The following SCN10A variants were observed in gnomAD, a reference collection of about 807,000 sequenced individuals.
SCN10A encodes sodium channel protein type 10 subunit alpha.
Under a neutral mutation model 170.7 loss-of-function variants are expected in SCN10A, and 162 were observed. The observed-to-expected ratio is 0.95, with a 90% CI of 0.84 to 1.08. The LOEUF (loss-of-function observed/expected upper bound fraction) is 1.08. SCN10A is among the 50% of genes least tolerant of loss of function. SCN10A has a pLI of 0.00. For synonymous variants in SCN10A, 985 were observed against 904.6 expected (o/e 1.09, Z -1.59); for missense variants, 2,527 against 2,436.9 (o/e 1.04, Z -0.78).
chr3:38,799,466 G>T (rs545508892), intron 1 of SCN10A, among the ~76,000 whole-genome samples: 1 of 152,160 alleles, frequency 6.6e-6, no homozygotes, highest in Non-Finnish European at 1.5e-5. Flanking sequence ...TTGTTGAAAA[G>T]TATAGAAGAC....
chr3:38,698,218 T>G lies in SCN10A; in HGVS notation c.5002A>C (p.Ser1668Arg), dbSNP rs774384874. Reference sequence around the variant, plus strand: ...GGGGGCCCTGTGTTGAGGATGGGGCTGAGGAGGCCATCCCAGCCGGCCGAC... The same window carrying G: ...GGGGGCCCTGTGTTGAGGATGGGGCGGAGGAGGCCATCCCAGCCGGCCGAC... ...TTSAGWDGLL[S>R]PILNTGPPYC... Residue 1668 changes from serine to arginine, a missense_variant, in exon 28 of 28, where the codon AGC becomes CGC. Transcript: ENST00000449082. 3.1e-6 allele frequency: 5 copies of G among 1,614,084 alleles called. No individual in the cohort carries two copies. In the East Asian group the frequency reaches 1.1e-4, roughly 36 times the overall value.
intron 1 of SCN10A, among the ~76,000 whole-genome samples, chr3:38,810,290 T>A (rs755182935): frequency 2.0e-5 from 3 of 152,344 alleles, no homozygotes; most frequent in Admixed American, 6.5e-5. Context: ...GCAAGAGCAC[T>A]GTGAACATTA....
chr3:38,770,440 G>A (rs1178808247), intron 5 of SCN10A, among the ~76,000 whole-genome samples: 2 of 152,120 alleles, frequency 1.3e-5, no homozygotes, highest in Non-Finnish European at 1.5e-5. Flanking sequence ...CCACTGTGGT[G>A]GATGGGGGTT....
chr3:38,709,756 G>A (rs1399799521), intron 24 of SCN10A, 141 bp from the exon 25 acceptor site: 10 of 712,800 alleles, frequency 1.4e-5, no homozygotes, highest in South Asian at 5.1e-5. Context: ...GAGGGAGTGG[G>A]GAAGAATAAG....
intron 18 of SCN10A, 142 bp from the exon 19 acceptor site, chr3:38,723,695 C>G: frequency 9.3e-7 from 1 of 1,073,988 alleles, no homozygotes; most frequent in Non-Finnish European, 1.3e-6. Context: ...CCCTGGAGCC[C>G]CAGAGGCTTA....
At chr3:38,716,625 T>C (rs888812649) in intron 21 of SCN10A, among the ~76,000 whole-genome samples, 1 of 152,128 alleles carries the variant, frequency 6.6e-6, no homozygotes, top group Admixed American at 6.5e-5. Context: ...CAATAAAATA[T>C]ATTTTTTAAA....
At chr3:38,748,202 T>C (rs934074380) in intron 13 of SCN10A, among the ~76,000 whole-genome samples, 2 of 152,170 alleles carry the variant, frequency 1.3e-5, no homozygotes, top group African/African-American at 2.4e-5. Flanking sequence ...GAAACCTATC[T>C]GGCCAAGAAA....
chr3:38,710,930 T>C, intron 23 of SCN10A, 33 bp from the exon 24 acceptor site: 1 of 1,597,048 alleles, frequency 6.3e-7, no homozygotes, highest in African/African-American at 1.3e-5. Flanking sequence ...ACTCAGTGTC[T>C]GCCCATCCAT....
intron 27 of SCN10A, 129 bp from the exon 28 acceptor site, chr3:38,698,691 G>C: frequency 1.2e-6 from 1 of 801,348 alleles, no homozygotes; most frequent in South Asian, 1.7e-5. Context: ...AGGACTCTGG[G>C]CCCTCAGAGC....
At chr3:38,814,893 A>G (rs1052506875) in intron 1 of SCN10A, among the ~76,000 whole-genome samples, 8 of 152,258 alleles carry the variant, frequency 5.3e-5, no homozygotes, top group African/African-American at 1.9e-4. Context: ...ACATGTGGCT[A>G]GAAAGCCCAA....
At chr3:38,740,398 C>T (rs547091370) in intron 14 of SCN10A, among the ~76,000 whole-genome samples, 6 of 152,244 alleles carry the variant, frequency 3.9e-5, no homozygotes, top group Admixed American at 1.3e-4. Context: ...GGTGCTTTTC[C>T]TTCATATCTT....
At chr3:38,739,449 C>G in intron 15 of SCN10A, 66 bp downstream of exon 15, 22 of 1,479,404 alleles carry the variant, frequency 1.5e-5, no homozygotes, top group Non-Finnish European at 2.0e-5. Flanking sequence ...GTGCAGTCCC[C>G]AGAGCACAGT....
rs1039004616 is a variant in SCN10A, at chr3:38,755,885, G to T, written c.1364C>A (p.Ala455Asp). The change falls in exon 11 of 28, where the codon GCC becomes GAC. Residue 455 changes from alanine to aspartate, a missense_variant. Coordinates refer to ENST00000449082, the MANE Select transcript of SCN10A (RefSeq NM_006514.4). ...HNGSPLTSKNASERRHRIKPR... is the reference protein window; with the variant it reads ...HNGSPLTSKNDSERRHRIKPR... ...CTTTATTCTATGCCTTCTCTCACTG[G>T]CATTTTTGGAGGTTAAAGGTGATCC... The T allele has an allele frequency of 6.2e-7, 1 of 1,614,176 alleles. No homozygotes were observed. Among genetic ancestry groups the T allele is most frequent in the Non-Finnish European group, 8.5e-7 (1 of 1,180,012 alleles).
intron 4 of SCN10A, among the ~76,000 whole-genome samples, chr3:38,778,400 C>G (rs2064100698): frequency 6.6e-6 from 1 of 151,854 alleles, no homozygotes; most frequent in Non-Finnish European, 1.5e-5. Context: ...CCCCTGCTCT[C>G]TTTACCTTCT....
Position 38,755,877 on chromosome 3 carries a change from T to G in SCN10A, c.1372A>C (p.Arg458=). ...ACTCTTGGCTTTATTCTATGCCTTC[T>G]CTCACTGGCATTTTTGGAGGTTAAA... The part of the protein sequence containing the change: ...SPLTSKNASE[R]RHRIKPRVSE... Residue 458 remains arginine (R), a synonymous_variant, in exon 11 of 28, where the codon AGA becomes CGA. Coordinates refer to ENST00000449082, the MANE Select transcript of SCN10A (RefSeq NM_006514.4). 6.2e-7 allele frequency: 1 copy of G among 1,614,208 alleles called. No homozygotes were observed. The highest frequency in any genetic ancestry group is 8.5e-7 in the Non-Finnish European group (1 of 1,180,008).
chr3:38,732,683 T>C (rs1277952106), intron 15 of SCN10A, among the ~76,000 whole-genome samples: 1 of 152,174 alleles, frequency 6.6e-6, no homozygotes. Context: ...GACAAAAATA[T>C]TGCTGGCAAA....
intron 27 of SCN10A, among the ~76,000 whole-genome samples, chr3:38,701,174 C>T (rs1465404138): frequency 6.6e-6 from 1 of 152,206 alleles, no homozygotes; most frequent in Non-Finnish European, 1.5e-5. Flanking sequence ...CTCCATTTCC[C>T]CATGTTAGCC....
rs781437757 is a variant in SCN10A at position 38,750,183 on chromosome 3, G to C, written c.1757C>G (p.Ala586Gly). The C allele has an allele frequency of 6.3e-7, 1 of 1,595,666 alleles. No individual in the cohort carries two copies. Among genetic ancestry groups the C allele is most frequent in the African/African-American group, 1.3e-5 (1 of 74,562 alleles). ...ELAPGAVDVS[A>G]FDAGQKKTFL... Reference sequence around the variant, plus strand: ...AGTCTTCTTTTGTCCTGCATCGAATGCCTGTTGAGACACAAACAGAGTCAG... The same window carrying C: ...AGTCTTCTTTTGTCCTGCATCGAATCCCTGTTGAGACACAAACAGAGTCAG... The change falls in exon 13 of 28, where the codon GCA becomes GGA. Residue 586 changes from alanine (A) to glycine (G), a missense_variant and splice_region_variant. Ala to Gly is a moderately conservative substitution (Grantham distance 60). Coordinates refer to ENST00000449082, the MANE Select transcript of SCN10A (RefSeq NM_006514.4).
intron 15 of SCN10A, among the ~76,000 whole-genome samples, chr3:38,730,470 A>G (rs1376867961): frequency 6.6e-6 from 1 of 152,238 alleles, no homozygotes; most frequent in Non-Finnish European, 1.5e-5. Context: ...TTGCAGTAAA[A>G]AAACAAACAA....
Sources: allele counts gnomAD v4.1 joint callset (sites outside exome capture counted in the v4.1 genomes callset), GRCh38; gene constraint gnomAD v4.1.1; transcripts MANE v1.5; gene names NCBI Gene and HGNC (gene_info 2026-07-23, HGNC 2026-07-21).